COMMD1: variants seen among roughly 807,000 people sequenced by gnomAD.
COMMD1 encodes the protein COMM domain-containing protein 1.
Under a neutral mutation model 17.2 loss-of-function variants are expected in COMMD1, and 10 were observed. That is an observed-to-expected ratio of 0.58 (90% confidence interval 0.36 to 0.99). The LOEUF (loss-of-function observed/expected upper bound fraction) is 0.99, where lower values mean the gene tolerates loss of function less well. Ranked by LOEUF, COMMD1 falls within the 50% of genes least tolerant of loss-of-function variation. The pLI, the probability that COMMD1 is intolerant of heterozygous loss-of-function variation, is 0.01. For missense variants in COMMD1, 270 were observed against 231.8 expected (o/e 1.17, Z -1.07); for synonymous variants, 97 against 91.6 (o/e 1.06, Z -0.34).
chr2:61,970,914 TTTTG>T (rs1671632178), intron 1 of COMMD1, among the ~76,000 whole-genome samples: 1 of 152,184 alleles, frequency 6.6e-6, no homozygotes, highest in Non-Finnish European at 1.5e-5. Context: ...TATTTGTTTT[TTTTG>T]TTTGTCTGTT....
At chr2:62,076,180 C>T (rs1458595520) in intron 2 of COMMD1, among the ~76,000 whole-genome samples, 1 of 152,216 alleles carries the variant, frequency 6.6e-6, no homozygotes, top group East Asian at 1.9e-4. Flanking sequence ...TTGTTGAATG[C>T]TTACTATGTT....
chr2:61,919,316 C>T (rs1320126820), intron 1 of COMMD1, among the ~76,000 whole-genome samples: 1 of 151,864 alleles, frequency 6.6e-6, no homozygotes, highest in African/African-American at 2.4e-5. Context: ...CTGGGCTCGG[C>T]CTCTTTTTTT....
intron 1 of COMMD1, among the ~76,000 whole-genome samples, chr2:61,948,096 G>A (rs1670958177): frequency 6.6e-6 from 1 of 152,044 alleles, no homozygotes; most frequent in Admixed American, 6.6e-5. Context: ...TGAAGACATT[G>A]AAGACATATC....
upstream of COMMD1, among the ~76,000 whole-genome samples, chr2:61,903,879 G>C (rs1425607353): frequency 1.3e-5 from 2 of 152,070 alleles, no homozygotes; most frequent in East Asian, 3.9e-4. Context: ...GAATGGAATA[G>C]GTGGGAGAGA....
intron 2 of COMMD1, among the ~76,000 whole-genome samples, chr2:62,003,193 A>G (rs1360199810): frequency 1.3e-5 from 2 of 151,496 alleles, no homozygotes; most frequent in East Asian, 1.9e-4. Context: ...AGATGGTGCC[A>G]CTGCACTCCA....
intron 2 of COMMD1, among the ~76,000 whole-genome samples, chr2:62,104,633 C>CAAAAAAAAAAAAAAAAA (rs35679940): frequency 1.3e-5 from 1 of 76,726 alleles, no homozygotes; most frequent in African/African-American, 5.1e-5. Flanking sequence ...GACTCCGTCT[C>CAAAAAAAAAAAAAAAAA]AAAAAAAAAA....
intron 2 of COMMD1, among the ~76,000 whole-genome samples, chr2:62,043,841 T>G (rs1433332172): frequency 6.6e-6 from 1 of 152,170 alleles, no homozygotes; most frequent in Non-Finnish European, 1.5e-5. Flanking sequence ...GTGCTGGTGT[T>G]TTTGGTATGT....
chr2:61,943,189 C>T (rs1378405489), intron 1 of COMMD1, among the ~76,000 whole-genome samples: 1 of 152,114 alleles, frequency 6.6e-6, no homozygotes. Context: ...GTAATTTGCC[C>T]ATCAGTTTAA....
At chr2:62,098,786 A>G (rs1488686067) in intron 2 of COMMD1, among the ~76,000 whole-genome samples, 11 of 152,150 alleles carry the variant, frequency 7.2e-5, no homozygotes, top group Admixed American at 7.2e-4. Context: ...TATTTTGTCA[A>G]AATCTTCTAA....
chr2:61,984,167 G>T (rs367905087), intron 1 of COMMD1, among the ~76,000 whole-genome samples: 22 of 152,166 alleles, frequency 1.4e-4, no homozygotes, highest in African/African-American at 5.3e-4. Flanking sequence ...TGGGATTACA[G>T]GCGTGTGCCA....
At chr2:61,980,651 C>T (rs1671929000) in intron 1 of COMMD1, among the ~76,000 whole-genome samples, 2 of 142,032 alleles carry the variant, frequency 1.4e-5, no homozygotes, top group Non-Finnish European at 3.0e-5. Context: ...GGATATTAGC[C>T]CTTTGTCAGA....
intron 2 of COMMD1, among the ~76,000 whole-genome samples, chr2:62,021,179 A>G (rs1423112457): frequency 6.6e-6 from 1 of 152,170 alleles, no homozygotes; most frequent in Non-Finnish European, 1.5e-5. Flanking sequence ...TTTTCTTGAC[A>G]GTACTTGGGA....
chr2:61,895,659 GC>G (rs2105158090), intron 1 of COMMD1, among the ~76,000 whole-genome samples: 1 of 152,262 alleles, frequency 6.6e-6, no homozygotes, highest in South Asian at 2.1e-4. Flanking sequence ...AAGCAGGCCT[GC>G]AGATTTCACT....
At chr2:62,026,523 A>G (rs1669761615) in intron 2 of COMMD1, among the ~76,000 whole-genome samples, 1 of 152,166 alleles carries the variant, frequency 6.6e-6, no homozygotes, top group African/African-American at 2.4e-5. Context: ...TGGAGATTAC[A>G]TGTTAACATG....
At chr2:61,932,513 G>T (rs1267001028) in intron 1 of COMMD1, among the ~76,000 whole-genome samples, 1 of 152,170 alleles carries the variant, frequency 6.6e-6, no homozygotes, top group Non-Finnish European at 1.5e-5. Context: ...TATGTCTAAG[G>T]AGTGAAGAAA....
chr2:61,945,217 A>G (rs1351215555), intron 1 of COMMD1, among the ~76,000 whole-genome samples: 1 of 152,222 alleles, frequency 6.6e-6, no homozygotes, highest in African/African-American at 2.4e-5. Flanking sequence ...CAGGTTGAAG[A>G]CTGCTCTCTA....
At chr2:62,008,348 A>G (rs542266215) in intron 2 of COMMD1, among the ~76,000 whole-genome samples, 7 of 149,498 alleles carry the variant, frequency 4.7e-5, no homozygotes, top group South Asian at 2.1e-4. Flanking sequence ...TCTTTCATAC[A>G]CACACACAGA....
intron 1 of COMMD1, among the ~76,000 whole-genome samples, chr2:61,896,767 A>G (rs1651651658): frequency 6.6e-6 from 1 of 152,074 alleles, no homozygotes; most frequent in Non-Finnish European, 1.5e-5. Context: ...TTCTTCCTGA[A>G]AGCAGAAGCA....
In COMMD1 at chr2:62,052,030, A is replaced by G. The variant is rs1411481490; in HGVS notation, c.462+51048A>G. On this transcript the variant is annotated intron_variant, in intron 2 of 2. Transcript: ENST00000311832. ...ACCATCCACTCTTTCAGTCTTCTTC[A>G]ATGAGATGACTCTACAGCTCACTCA... is the stretch of plus-strand genomic sequence containing the variant. 2.6e-5 allele frequency among the ~76,000 whole-genome samples: 4 copies of G among 152,348 alleles called. 1 individual carries two copies. Among genetic ancestry groups the G allele is most frequent in the Admixed American group, 2.6e-4 (4 of 15,298 alleles).
Sources: allele counts gnomAD v4.1 joint callset (sites outside exome capture counted in the v4.1 genomes callset), GRCh38; gene constraint gnomAD v4.1.1; transcripts MANE v1.5; gene names NCBI Gene and HGNC (gene_info 2026-07-23, HGNC 2026-07-21).